The following HNF4G variants were observed in gnomAD, a reference collection of about 807,000 sequenced individuals.
The protein encoded by HNF4G is hepatocyte nuclear factor 4-gamma.
A neutral mutation model predicts 50.9 loss-of-function variants in HNF4G; 21 were observed. The observed-to-expected ratio is 0.41, with a 90% confidence interval of 0.29 to 0.59. The LOEUF is 0.59. Ranked by LOEUF, HNF4G falls within the 20% of genes least tolerant of loss-of-function variation. HNF4G has a pLI of 0.26. For missense variants in HNF4G, 527 were observed against 559.4 expected (o/e 0.94, Z 0.58); for synonymous variants, 198 against 185.6 (o/e 1.07, Z -0.54).
chr8:75,494,182 T>A (rs899121675), intron 2 of HNF4G, among the ~76,000 whole-genome samples: 6 of 152,148 alleles, frequency 3.9e-5, no homozygotes, highest in East Asian at 3.9e-4. Context: ...AGACAGTTAA[T>A]GAGATTATAA....
intron 1 of HNF4G, among the ~76,000 whole-genome samples, chr8:75,409,524 T>C (rs1810446990): frequency 7.2e-6 from 1 of 139,788 alleles, no homozygotes; most frequent in African/African-American, 2.7e-5. Context: ...AGTCTTGCTC[T>C]GTCACCCAGG....
rs549322969 is a variant in HNF4G, at chr8:75,560,414, A to G, written c.1194A>G (p.Gly398=). The stretch of plus-strand genomic sequence containing the variant: ...ATTTGTCTCAAGACCCATTAACTGG[A>G]CAAACTATACTTTTAGGTCCCATGT... ...HPHLSQDPLT[G]QTILLGPMST... The change falls in exon 9 of 10, where the codon GGA becomes GGG. Residue 398 remains glycine, a synonymous_variant. Transcript: ENST00000396423. 5.5e-5 allele frequency: 89 copies of G among 1,613,356 alleles called. 1 individual carries two copies. In the Middle Eastern group the frequency reaches 8.3e-4, roughly 15 times the overall value.
chr8:75,522,129 A>T (rs534819741), intron 2 of HNF4G, among the ~76,000 whole-genome samples: 1 of 152,224 alleles, frequency 6.6e-6, no homozygotes, highest in Non-Finnish European at 1.5e-5. Context: ...GAATGACAAA[A>T]GCTGTATTCA....
At chr8:75,543,656 C>T (rs747770511) in intron 1 of HNF4G, among the ~76,000 whole-genome samples, 155 bp from the exon 2 acceptor site, 9 of 152,248 alleles carry the variant, frequency 5.9e-5, no homozygotes, top group East Asian at 5.8e-4. Context: ...GAGCTTAGAA[C>T]GGAAGCAGCC....
intron 2 of HNF4G, among the ~76,000 whole-genome samples, chr8:75,497,852 TC>T (rs1403277333): frequency 6.6e-6 from 1 of 152,136 alleles, no homozygotes; most frequent in Non-Finnish European, 1.5e-5. Flanking sequence ...TATTATCCTG[TC>T]TTTGATTTTG....
At chr8:75,556,160 T>A (rs1807117856) in intron 6 of HNF4G, 91 bp downstream of exon 6, 1 of 542,872 alleles carries the variant, frequency 1.8e-6, no homozygotes, top group Non-Finnish European at 3.1e-6. Context: ...ACCAAGTATT[T>A]ACAGACACTG....
At chr8:75,529,366 C>T (rs1216667836) in intron 2 of HNF4G, among the ~76,000 whole-genome samples, 1 of 151,940 alleles carries the variant, frequency 6.6e-6, no homozygotes. Context: ...AACCTCATGA[C>T]TCAGTCACCT....
intron 1 of HNF4G, among the ~76,000 whole-genome samples, chr8:75,459,231 A>G (rs182167915): frequency 1.1e-4 from 17 of 152,326 alleles, no homozygotes; most frequent in Non-Finnish European, 2.4e-4. Flanking sequence ...GCTAAATAAT[A>G]ACACCAAATG....
intron 1 of HNF4G, among the ~76,000 whole-genome samples, chr8:75,461,595 C>T (rs905476965): frequency 6.6e-6 from 1 of 152,110 alleles, no homozygotes; most frequent in Non-Finnish European, 1.5e-5. Flanking sequence ...ATTCTGCCTA[C>T]TACAAAAGCT....
At chr8:75,490,375 CCTAT>C (rs1812596292) in intron 2 of HNF4G, among the ~76,000 whole-genome samples, 2 of 152,200 alleles carry the variant, frequency 1.3e-5, no homozygotes, top group African/African-American at 4.8e-5. Context: ...TCCTTTCCTT[CCTAT>C]CTTTTATTGC....
chr8:75,461,369 T>C (rs1488535890), intron 1 of HNF4G, among the ~76,000 whole-genome samples: 1 of 152,176 alleles, frequency 6.6e-6, no homozygotes, highest in East Asian at 1.9e-4. Context: ...CACAATTTCA[T>C]TACCCAACCT....
chr8:75,482,478 T>C (rs1321119922), intron 1 of HNF4G, among the ~76,000 whole-genome samples: 1 of 151,770 alleles, frequency 6.6e-6, no homozygotes, highest in Non-Finnish European at 1.5e-5. Context: ...GCGACTCTCC[T>C]GCCTCAGCCT....
chr8:75,540,358 T>G lies in HNF4G; in HGVS notation c.118+278T>G, dbSNP rs931983410. ...AGTTAGACAGGTAAAAAGAGTAGTC[T>G]CAGCTGTTATTTTATTTGCTGTAAA... On this transcript the variant is annotated intron_variant, in intron 1 of 9. Coordinates refer to ENST00000396423, the MANE Select transcript of HNF4G (RefSeq NM_004133.5). Among the ~76,000 whole-genome samples, 3 of 152,182 alleles carry G rather than the reference T, an allele frequency of 2.0e-5. No homozygotes were observed. The East Asian group carries it at 5.8e-4, about 29-fold the overall frequency.
chr8:75,538,377 A>G (rs1806525610), upstream of HNF4G, among the ~76,000 whole-genome samples: 1 of 152,080 alleles, frequency 6.6e-6, no homozygotes, highest in Admixed American at 6.6e-5. Context: ...CTACAGCCAC[A>G]TTTCTTTTAG....
chr8:75,516,516 C>A (rs1805892822), intron 2 of HNF4G, among the ~76,000 whole-genome samples: 1 of 151,972 alleles, frequency 6.6e-6, no homozygotes, highest in Non-Finnish European at 1.5e-5. Context: ...GTTCCCTGTG[C>A]ACTTGAATAG....
At chr8:75,562,858 A>AT (rs1457248449) in intron 9 of HNF4G, among the ~76,000 whole-genome samples, 5 of 152,102 alleles carry the variant, frequency 3.3e-5, no homozygotes, top group Non-Finnish European at 7.4e-5. Context: ...ATTCATGCAT[A>AT]TTTTCTTGGT....
chr8:75,508,710 T>C (rs2130720906), intron 2 of HNF4G, among the ~76,000 whole-genome samples: 1 of 152,268 alleles, frequency 6.6e-6, no homozygotes, highest in African/African-American at 2.4e-5. Flanking sequence ...ACAGGAGCCG[T>C]AACCACGTAG....
At chr8:75,559,774 A>G (rs1274119992) in intron 8 of HNF4G, among the ~76,000 whole-genome samples, 1 of 152,108 alleles carries the variant, frequency 6.6e-6, no homozygotes, top group African/African-American at 2.4e-5. Context: ...ACATATATAT[A>G]TATACTATCT....
intron 2 of HNF4G, among the ~76,000 whole-genome samples, chr8:75,494,949 A>G (rs1184122833): frequency 6.6e-6 from 1 of 152,148 alleles, no homozygotes; most frequent in Non-Finnish European, 1.5e-5. Flanking sequence ...GTGTTAAGGA[A>G]ACTATATAGT....
Sources: gnomAD v4.1 joint callset for allele counts (sites outside exome capture counted in the v4.1 genomes callset) on GRCh38, gnomAD v4.1.1 for gene constraint, MANE v1.5 for transcripts, NCBI Gene and HGNC (gene_info 2026-07-23, HGNC 2026-07-21) for gene names.